PDE7B: variants seen among roughly 807,000 people sequenced by gnomAD.
PDE7B encodes the protein phosphodiesterase 7B.
Under a neutral mutation model 56.2 loss-of-function variants are expected in PDE7B, and 29 were observed. The ratio of observed to expected loss-of-function variants is 0.52; its 90% CI spans 0.38 to 0.70. The LOEUF (loss-of-function observed/expected upper bound fraction) is 0.70. Ranked by LOEUF, PDE7B falls within the 30% of genes least tolerant of loss-of-function variation. PDE7B has a pLI of 0.00. For synonymous variants in PDE7B, 197 were observed against 196.9 expected (o/e 1.00, Z 0.00); for missense variants, 490 against 565.0 (o/e 0.87, Z 1.35).
At chr6:135,998,781 CAA>C (rs58367410) in intron 2 of PDE7B, among the ~76,000 whole-genome samples, 2 of 145,158 alleles carry the variant, frequency 1.4e-5, no homozygotes, top group Middle Eastern at 3.5e-3. Flanking sequence ...AAAAAATAAA[CAA>C]AAAAAAAACA....
chr6:136,021,331 G>A (rs62429936), intron 2 of PDE7B, among the ~76,000 whole-genome samples: 3,222 of 152,254 alleles, frequency 0.021, 48 homozygotes, highest in Non-Finnish European at 0.033. Context: ...CCATGTGTTT[G>A]TTCTAAAAAT....
chr6:135,881,180 G>A (rs1013245051), intron 1 of PDE7B, among the ~76,000 whole-genome samples: 3 of 151,958 alleles, frequency 2.0e-5, no homozygotes, highest in Non-Finnish European at 2.9e-5. Context: ...CTCAGAAACT[G>A]TTGGAATCAC....
At chr6:135,885,289 GTTGT>G (rs968199745) in intron 1 of PDE7B, among the ~76,000 whole-genome samples, 22 of 149,398 alleles carry the variant, frequency 1.5e-4, no homozygotes, top group South Asian at 4.2e-4. Context: ...GGAGGGTTTT[GTTGT>G]TTGTTTGTTT....
At chr6:136,086,545 T>G (rs893345579) in intron 2 of PDE7B, among the ~76,000 whole-genome samples, 3 of 152,188 alleles carry the variant, frequency 2.0e-5, no homozygotes, top group African/African-American at 7.2e-5. Context: ...TTAAGCCACT[T>G]TGGCCCCATA....
intron 2 of PDE7B, among the ~76,000 whole-genome samples, chr6:136,005,647 A>G (rs1396069181): frequency 6.6e-6 from 1 of 152,202 alleles, no homozygotes; most frequent in Non-Finnish European, 1.5e-5. Context: ...AATCAAAACC[A>G]CAATGAGATA....
At chr6:135,953,679 T>C (rs1003958609) in intron 2 of PDE7B, among the ~76,000 whole-genome samples, 1 of 152,188 alleles carries the variant, frequency 6.6e-6, no homozygotes, top group Non-Finnish European at 1.5e-5. Context: ...GTATTGTAGA[T>C]TTTAAATATT....
At chr6:135,882,038 A>G (rs765673044) in intron 1 of PDE7B, among the ~76,000 whole-genome samples, 2 of 152,178 alleles carry the variant, frequency 1.3e-5, no homozygotes, top group Non-Finnish European at 2.9e-5. Context: ...TTTTCATAAT[A>G]TGTTTTGGCA....
At chr6:136,038,886 G>C (rs1285652143) in intron 2 of PDE7B, among the ~76,000 whole-genome samples, 1 of 152,158 alleles carries the variant, frequency 6.6e-6, no homozygotes, top group Admixed American at 6.5e-5. Context: ...CAACAAGTTA[G>C]AGATATCCCT....
At position 136,042,092 on chromosome 6, in the gene PDE7B, T is replaced by C. The variant is rs1316527766; in HGVS notation, c.83-66639T>C. 2.6e-5 allele frequency among the ~76,000 whole-genome samples: 4 copies of C among 152,348 alleles called. No homozygotes were observed. In the East Asian group the frequency reaches 7.7e-4, roughly 29 times the overall value. Reference sequence around the variant, plus strand: ...ATGCAGAACAAGTCAAAGGATTGTGTCTCGTATACATTTTCTACTTATTCT... The same window carrying C: ...ATGCAGAACAAGTCAAAGGATTGTGCCTCGTATACATTTTCTACTTATTCT... On this transcript the variant is annotated intron_variant, in intron 2 of 12. Coordinates refer to ENST00000308191, the MANE Select transcript of PDE7B (RefSeq NM_018945.4).
At chr6:136,024,216 G>T (rs1413568469) in intron 2 of PDE7B, among the ~76,000 whole-genome samples, 1 of 152,142 alleles carries the variant, frequency 6.6e-6, no homozygotes, top group East Asian at 1.9e-4. Context: ...TTATAGAAAT[G>T]GATCCGGAGA....
At chr6:135,963,879 T>A (rs1774947966) in intron 2 of PDE7B, among the ~76,000 whole-genome samples, 1 of 151,888 alleles carries the variant, frequency 6.6e-6, no homozygotes. Flanking sequence ...TAAAAAGAAA[T>A]GGGGGAAAAA....
rs554465230 is a variant in PDE7B, at chr6:135,858,589, G to A, written c.21+6570G>A. ...AGAATCCTGGAAGCCAGGAGATAGG[G>A]AGCCCATCATTCTTATTTGAGTAAC... On this transcript the variant is annotated intron_variant, in intron 1 of 12. Transcript: ENST00000308191. Among the ~76,000 whole-genome samples the A allele has an allele frequency of 2.6e-5, 4 of 152,280 alleles. No homozygotes were observed. The South Asian group carries it at 8.3e-4, about 32-fold the overall frequency.
chr6:136,120,572 C>T (rs926789540), intron 3 of PDE7B, among the ~76,000 whole-genome samples: 9 of 152,220 alleles, frequency 5.9e-5, no homozygotes, highest in African/African-American at 9.6e-5. Context: ...AGGGATGCAA[C>T]GCAGGGGGTT....
chr6:136,031,683 G>C (rs1268212415), intron 2 of PDE7B, among the ~76,000 whole-genome samples: 3 of 145,590 alleles, frequency 2.1e-5, no homozygotes, highest in Non-Finnish European at 4.5e-5. Flanking sequence ...AGCTTGCAGT[G>C]AGCCGAGATC....
At chr6:136,120,357 G>T (rs540066093) in intron 3 of PDE7B, among the ~76,000 whole-genome samples, 1 of 152,150 alleles carries the variant, frequency 6.6e-6, no homozygotes, top group African/African-American at 2.4e-5. Flanking sequence ...GGAAAAGTGA[G>T]GCTAGGGAAG....
intron 10 of PDE7B, 32 bp downstream of exon 10, chr6:136,179,173 C>T: frequency 6.2e-7 from 1 of 1,607,768 alleles, no homozygotes; most frequent in Non-Finnish European, 8.5e-7. Context: ...ATTCTTTTTG[C>T]TGAGTGAAAA....
chr6:136,107,317 G>A (rs1777662566), intron 2 of PDE7B, among the ~76,000 whole-genome samples: 1 of 152,054 alleles, frequency 6.6e-6, no homozygotes, highest in South Asian at 2.1e-4. Flanking sequence ...CATTACTACT[G>A]GAATTGAAAC....
intron 1 of PDE7B, among the ~76,000 whole-genome samples, chr6:135,937,781 T>A (rs1031291720): frequency 6.6e-6 from 1 of 152,098 alleles, no homozygotes; most frequent in African/African-American, 2.4e-5. Flanking sequence ...AGACCTCTGG[T>A]CCTGCAGGCT....
intron 1 of PDE7B, among the ~76,000 whole-genome samples, chr6:135,897,979 G>A (rs1043420370): frequency 6.6e-6 from 1 of 152,154 alleles, no homozygotes; most frequent in Non-Finnish European, 1.5e-5. Context: ...TTTAAGGCAT[G>A]AAGAAGGGAA....
Sources: gnomAD v4.1 joint callset for allele counts (sites outside exome capture counted in the v4.1 genomes callset) on GRCh38, gnomAD v4.1.1 for gene constraint, MANE v1.5 for transcripts, NCBI Gene and HGNC (gene_info 2026-07-23, HGNC 2026-07-21) for gene names.